COL6A5: variants seen among roughly 807,000 people sequenced by gnomAD.
COL6A5 encodes the protein collagen alpha-5(VI) chain.
COL6A5 carries 48 observed loss-of-function variants against 65.6 expected under a neutral mutation model. That is an observed-to-expected ratio of 0.73 (90% CI 0.58 to 0.93). COL6A5 has a LOEUF of 0.93. Ranked by LOEUF, COL6A5 falls within the 40% of genes least tolerant of loss-of-function variation. The pLI, the probability that COL6A5 is intolerant of heterozygous loss-of-function variation, is 0.00. For synonymous variants in COL6A5, 291 were observed against 322.8 expected, an observed-to-expected ratio of 0.90 and a Z score of 1.05; for missense variants, 914 against 928.3, an observed-to-expected ratio of 0.98 and a Z score of 0.20.
chr3:130,423,955 G>A, intron 29 of COL6A5, 55 bp downstream of exon 29: 1 of 1,338,078 alleles, frequency 7.5e-7, no homozygotes, highest in Non-Finnish European at 1.0e-6. Context: ...TATGTTCCAT[G>A]GAAAGGGCAC....
Position 130,467,459 on chromosome 3 carries a change from C to G in COL6A5, c.1545-1336C>G, listed in dbSNP as rs148764468. Among the ~76,000 whole-genome samples the G allele has an allele frequency of 2.0e-4, 30 of 151,984 alleles. No homozygotes were observed. The East Asian group carries it at 5.8e-3, about 29-fold the overall frequency. On this transcript the variant is annotated intron_variant, in intron 5 of 7. Transcript: ENST00000512836. ...CAACTCATTTTTTGAGGCCAGATTA[C>G]CCTGATACCAAAACTAGACGAAGAC...
intron 1 of COL6A5, among the ~76,000 whole-genome samples, chr3:130,433,944 CT>C (rs903218915): frequency 3.6e-4 from 53 of 149,038 alleles, no homozygotes; most frequent in African/African-American, 9.1e-4. Context: ...TTTGCCTTAC[CT>C]TTTTTTTTAT....
upstream of COL6A5, chr3:130,429,663 C>A: frequency 7.9e-7 from 1 of 1,260,060 alleles, no homozygotes; most frequent in Non-Finnish European, 1.1e-6. Context: ...AAGATGCCCT[C>A]AACTCCGTGG....
intron 4 of COL6A5, 149 bp downstream of exon 36, chr3:130,443,715 A>T: frequency 1.9e-6 from 1 of 514,806 alleles, no homozygotes; most frequent in South Asian, 3.5e-5. Flanking sequence ...CAGAAATTAC[A>T]TATCAAGTAT....
intron 1 of COL6A5, among the ~76,000 whole-genome samples, chr3:130,371,191 C>T (rs77660128): frequency 0.017 from 2,610 of 152,180 alleles, 31 homozygotes; most frequent in South Asian, 0.07. Context: ...CTCTTCTCCA[C>T]AGAAAGCCCA....
At chr3:130,411,799 A>G (rs1024246429) in intron 20 of COL6A5, among the ~76,000 whole-genome samples, 1 of 152,150 alleles carries the variant, frequency 6.6e-6, no homozygotes, top group African/African-American at 2.4e-5. Context: ...AAACCAGCCA[A>G]TTACAGGACA....
intron 4 of COL6A5, among the ~76,000 whole-genome samples, chr3:130,450,414 T>G (rs1344076216): frequency 6.6e-6 from 1 of 152,134 alleles, no homozygotes; most frequent in Non-Finnish European, 1.5e-5. Context: ...TTTTTTCCAG[T>G]ATGACCAAGT....
chr3:130,359,715 G>T (rs899489107), intron 1 of COL6A5, among the ~76,000 whole-genome samples: 1 of 152,110 alleles, frequency 6.6e-6, no homozygotes, highest in Non-Finnish European at 1.5e-5. Context: ...TGGTTCTGCA[G>T]TCATGCTTGT....
chr3:130,385,334 G>A lies in COL6A5; in HGVS notation c.1831G>A (p.Glu611Lys). ...TGATGCTTTGAAAAGCATAAAAAATGAAGTCGTTCGTGAAATCTGCGCTGA... is the reference window on the plus strand; with the variant it reads ...TGATGCTTTGAAAAGCATAAAAAATAAAGTCGTTCGTGAAATCTGCGCTGA... The change falls in exon 5 of 42, where the codon GAA becomes AAA. Residue 611 changes from glutamate (E) to lysine (K), a missense_variant and NMD_transcript_variant. Glu to Lys is a moderately conservative substitution (Grantham distance 56). Transcript: ENST00000312481. 6.5e-7 allele frequency: 1 copy of A among 1,550,198 alleles called. No individual in the cohort carries two copies. The highest frequency in any genetic ancestry group is 8.7e-7 in the Non-Finnish European group (1 of 1,146,182).
chr3:130,423,274 GCTTA>G (rs1370125048), intron 28 of COL6A5, among the ~76,000 whole-genome samples: 2 of 152,006 alleles, frequency 1.3e-5, no homozygotes, highest in Non-Finnish European at 2.9e-5. Context: ...CGAATATTAT[GCTTA>G]CTTACTTAGA....
At chr3:130,408,915 C>G (rs1937088577) in intron 17 of COL6A5, among the ~76,000 whole-genome samples, 1 of 152,144 alleles carries the variant, frequency 6.6e-6, no homozygotes, top group African/African-American at 2.4e-5. Context: ...ATGTCCAATA[C>G]CATAGCCACT....
intron 28 of COL6A5, 64 bp downstream of exon 28, chr3:130,422,846 T>C: frequency 1.9e-6 from 2 of 1,042,814 alleles, no homozygotes; most frequent in Non-Finnish European, 2.7e-6. Flanking sequence ...TTTTATGTTA[T>C]AATAATAAAT....
intron 1 of COL6A5, among the ~76,000 whole-genome samples, chr3:130,368,588 G>T (rs1309290234): frequency 1.3e-5 from 2 of 151,846 alleles, no homozygotes; most frequent in African/African-American, 4.8e-5. Flanking sequence ...GGAGAAGTGG[G>T]GGATTAAGAA....
intron 1 of COL6A5, among the ~76,000 whole-genome samples, chr3:130,362,306 ATATATATATATATATATATATTTT>A (rs1373393031): frequency 0.079 from 1,547 of 19,534 alleles, 101 homozygotes; most frequent in African/African-American, 0.15. Context: ...ATATATATAT[ATATATATATATATATATATATTTT>A]TTTTTTTTTT....
intron 5 of COL6A5, among the ~76,000 whole-genome samples, chr3:130,459,482 T>G (rs143869219): frequency 6.6e-6 from 1 of 152,042 alleles, no homozygotes; most frequent in East Asian, 1.9e-4. Context: ...TCTGGAGACA[T>G]TTTTTTAATT....
upstream of COL6A5, among the ~76,000 whole-genome samples, chr3:130,427,750 C>G (rs975101928): frequency 5.3e-5 from 8 of 151,978 alleles, no homozygotes; most frequent in African/African-American, 1.9e-4. Context: ...CAAGGAGTTT[C>G]TGTTTCTTGG....
chr3:130,437,660 C>A (rs1369225727), intron 1 of COL6A5, among the ~76,000 whole-genome samples: 1 of 152,106 alleles, frequency 6.6e-6, no homozygotes, highest in East Asian at 1.9e-4. Flanking sequence ...TTGTCTTGTT[C>A]TCTCTCACTC....
exon 8 of COL6A5, chr3:130,394,964 AC>A (rs1936542802): frequency 6.4e-7 from 1 of 1,551,624 alleles, no homozygotes; most frequent in Non-Finnish European, 8.7e-7. Flanking sequence ...AGATTTTGTA[AC>A]CATGACAACT....
At chr3:130,368,240 T>A (rs1428542522) in intron 1 of COL6A5, among the ~76,000 whole-genome samples, 1 of 152,238 alleles carries the variant, frequency 6.6e-6, no homozygotes, top group South Asian at 2.1e-4. Context: ...TGGAGTTTGC[T>A]TCCCATGCAT....
Sources: gnomAD v4.1 joint callset for allele counts (sites outside exome capture counted in the v4.1 genomes callset) on GRCh38, gnomAD v4.1.1 for gene constraint, MANE v1.5 for transcripts, NCBI Gene and HGNC (gene_info 2026-07-23, HGNC 2026-07-21) for gene names.